COIL: variants seen among roughly 807,000 people sequenced by gnomAD.
The protein encoded by COIL is coilin, also known as coilin p80.
A neutral mutation model predicts 51.6 loss-of-function variants in COIL; 28 were observed. That is an observed-to-expected ratio of 0.54 (90% CI 0.40 to 0.74). The LOEUF (loss-of-function observed/expected upper bound fraction) is 0.74, where lower values mean the gene tolerates loss of function less well. Ranked by LOEUF, COIL falls within the 30% of genes least tolerant of loss-of-function variation. COIL has a pLI of 0.00. For missense variants in COIL, 667 were observed against 685.9 expected, an observed-to-expected ratio of 0.97 and a Z score of 0.31; for synonymous variants, 233 against 255.8, an observed-to-expected ratio of 0.91 and a Z score of 0.85.
At position 56,949,732 on chromosome 17, in the gene COIL, C is replaced by A; in HGVS notation, c.1389G>T (p.Leu463=). 1 of 1,614,196 alleles carries A rather than the reference C, an allele frequency of 6.2e-7. No homozygotes were observed. Among genetic ancestry groups the A allele is most frequent in the Non-Finnish European group, 8.5e-7 (1 of 1,180,012 alleles). ...PVETPKKDYS[L]LPLLAAAPQV... is the part of the protein sequence containing the mutation. Reference sequence around the variant, plus strand: ...GAGGGGCAGCTGCTAACAGTGGTAACAGACTATAGTCCTTCTTGGGTGTCT... The same window carrying A: ...GAGGGGCAGCTGCTAACAGTGGTAAAAGACTATAGTCCTTCTTGGGTGTCT... Residue 463 remains leucine (L), a synonymous_variant, in exon 3 of 7, where the codon CTG becomes CTT. Coordinates refer to ENST00000240316, the MANE Select transcript of COIL (RefSeq NM_004645.3).
chr17:56,960,909 G>T lies in COIL; in HGVS notation c.111C>A (p.Val37=), dbSNP rs1198428963. 1.9e-6 allele frequency: 3 copies of T among 1,614,212 alleles called. No homozygotes were observed. The highest frequency in any genetic ancestry group is 2.2e-5 in the South Asian group (2 of 91,072). The stretch of plus-strand genomic sequence containing the variant: ...GGATGAGACTAATGAGATCTGTGAC[G>T]ACTCGGCATCTGTTCAAGTCGACCA... ...WLLVDLNRCR[V]VTDLISLIRQ... The change falls in exon 1 of 7, where the codon GTC becomes GTA. Residue 37 remains valine (V), a synonymous_variant. Coordinates refer to ENST00000240316, the MANE Select transcript of COIL (RefSeq NM_004645.3).
chr17:56,942,482 T>A (rs1567850688), intron 5 of COIL, among the ~76,000 whole-genome samples: 1 of 152,080 alleles, frequency 6.6e-6, no homozygotes, highest in Non-Finnish European at 1.5e-5. Flanking sequence ...TCCTTAGAAA[T>A]CACATATGCT....
intron 4 of COIL, among the ~76,000 whole-genome samples, chr17:56,948,952 TCTAAA>T: frequency 6.6e-6 from 1 of 151,904 alleles, no homozygotes; most frequent in East Asian, 1.9e-4. Flanking sequence ...AATAAGTTGG[TCTAAA>T]CTAATTAGAA....
chr17:56,943,271 T>C (rs1433931757), intron 5 of COIL, among the ~76,000 whole-genome samples: 1 of 152,248 alleles, frequency 6.6e-6, no homozygotes, highest in Non-Finnish European at 1.5e-5. Flanking sequence ...ATTTGTTTTT[T>C]ACTTTGTAAA....
At chr17:56,953,081 C>T (rs1910403361) in intron 1 of COIL, among the ~76,000 whole-genome samples, 1 of 151,786 alleles carries the variant, frequency 6.6e-6, no homozygotes, top group Admixed American at 6.6e-5. Flanking sequence ...AGTTTAAGAC[C>T]AGCCTGGGCA....
In COIL at chr17:56,960,813, G is replaced by T; in HGVS notation, c.207C>A (p.Ala69=). ...LYLEGGLLPP[A]ESARLVRDND... ...TGTCTCTCACAAGGCGCGCGCTCTC[G>T]GCGGGGGGCAAGAGCCCCCCCTCCA... Residue 69 remains alanine (A), a synonymous_variant, in exon 1 of 7, where the codon GCC becomes GCA. Coordinates refer to ENST00000240316, the MANE Select transcript of COIL (RefSeq NM_004645.3). The T allele has an allele frequency of 6.3e-7, 1 of 1,582,224 alleles. No homozygotes were observed. Among genetic ancestry groups the T allele is most frequent in the Non-Finnish European group, 8.6e-7 (1 of 1,167,166 alleles).
chr17:56,950,166 G>A lies in COIL; in HGVS notation c.1076C>T (p.Ser359Leu). 3 of 1,614,172 alleles carry A rather than the reference G, an allele frequency of 1.9e-6. No individual in the cohort carries two copies. Among genetic ancestry groups the A allele is most frequent in the Non-Finnish European group, 2.5e-6 (3 of 1,180,042 alleles). The change falls in exon 2 of 7, where the codon TCA becomes TTA. Residue 359 changes from serine (S) to leucine (L), a missense_variant. Coordinates refer to ENST00000240316, the MANE Select transcript of COIL (RefSeq NM_004645.3). Reference sequence around the variant, plus strand: ...CCATCCAGCAGCACCTGCAGTCTGTGATGACAGCCCTGGGCCTGGACGACC... The same window carrying A: ...CCATCCAGCAGCACCTGCAGTCTGTAATGACAGCCCTGGGCCTGGACGACC... ...GRGRPGPGLS[S>L]QTAGAAGWRR...
rs201713745 is a variant in COIL, at chr17:56,950,908, G to C, written c.334C>G (p.Arg112Gly). 1 of 1,613,550 alleles carries C rather than the reference G, an allele frequency of 6.2e-7. No homozygotes were observed. The highest frequency in any genetic ancestry group is 2.2e-5 in the East Asian group (1 of 44,876). ...INLSLRKAKK[R>G]AFQLEEGEET... is the part of the protein sequence containing the mutation. ...TCACCCTCCTCTAACTGAAATGCCCGCTTCTTTGCTTTTCTAAGAGATAAA... is the reference window on the plus strand; with the variant it reads ...TCACCCTCCTCTAACTGAAATGCCCCCTTCTTTGCTTTTCTAAGAGATAAA... Residue 112 changes from arginine to glycine, a missense_variant, in exon 2 of 7, where the codon CGG (arginine) becomes GGG (glycine). Transcript: ENST00000240316.
chr17:56,942,245 G>T, intron 5 of COIL, 122 bp from the exon 6 acceptor site: 1 of 786,550 alleles, frequency 1.3e-6, no homozygotes. Context: ...TTAATGTGAA[G>T]GCTGGGTATG....
At chr17:56,940,041 A>T (rs1171469948) in intron 6 of COIL, 1 of 152,096 alleles carries the variant, frequency 6.6e-6, no homozygotes, top group African/African-American at 2.4e-5. Context: ...CCAAGAGAAA[A>T]ACTCTAAGGC....
chr17:56,956,815 G>A (rs1251476704), intron 1 of COIL, among the ~76,000 whole-genome samples: 4 of 151,894 alleles, frequency 2.6e-5, no homozygotes, highest in Admixed American at 6.6e-5. Flanking sequence ...GGCTGGTCTC[G>A]AACTCCTGAG....
chr17:56,940,620 CT>C (rs1271248087), intron 6 of COIL, among the ~76,000 whole-genome samples: 5 of 152,148 alleles, frequency 3.3e-5, no homozygotes, highest in Non-Finnish European at 7.3e-5. Flanking sequence ...TGTCATCTAC[CT>C]TAAAGACAAG....
chr17:56,943,915 G>C (rs1325168712), intron 5 of COIL, among the ~76,000 whole-genome samples: 3 of 152,066 alleles, frequency 2.0e-5, no homozygotes, highest in Non-Finnish European at 2.9e-5. Flanking sequence ...ACTCAGCCTG[G>C]AGTGCAGTGA....
intron 1 of COIL, among the ~76,000 whole-genome samples, chr17:56,956,413 TG>T (rs1365859486): frequency 6.0e-5 from 9 of 149,492 alleles, no homozygotes; most frequent in South Asian, 4.4e-4. Context: ...TAATTTTTTT[TG>T]TTTGTTTTTT....
chr17:56,946,777 T>A (rs904579066), intron 4 of COIL, among the ~76,000 whole-genome samples: 1 of 152,136 alleles, frequency 6.6e-6, no homozygotes, highest in South Asian at 2.1e-4. Context: ...CTATCTTAAA[T>A]AACTCGATGA....
chr17:56,941,521 G>C (rs1910147946), intron 6 of COIL, among the ~76,000 whole-genome samples: 1 of 152,220 alleles, frequency 6.6e-6, no homozygotes, highest in African/African-American at 2.4e-5. Context: ...AGTGAGCCAA[G>C]ATCATGCCAC....
rs1161167094 is a variant in COIL at position 56,949,716 on chromosome 17, C to G, written c.1405G>C (p.Ala469Pro). 2 of 1,614,200 alleles carry G rather than the reference C, an allele frequency of 1.2e-6. No homozygotes were observed. The highest frequency in any genetic ancestry group is 1.7e-6 in the Non-Finnish European group (2 of 1,180,024). Residue 469 changes from alanine (A) to proline (P), a missense_variant, in exon 3 of 7, where the codon GCT becomes CCT. Transcript: ENST00000240316. ...KDYSLLPLLA[A>P]APQVGEKIAF... is the part of the protein sequence containing the mutation. ...ATCTTTTCTCCAACTTGAGGGGCAGCTGCTAACAGTGGTAACAGACTATAG... is the reference window on the plus strand; with the variant it reads ...ATCTTTTCTCCAACTTGAGGGGCAGGTGCTAACAGTGGTAACAGACTATAG...
intron 5 of COIL, among the ~76,000 whole-genome samples, chr17:56,945,946 C>T (rs758483162): frequency 1.3e-5 from 2 of 152,186 alleles, no homozygotes; most frequent in African/African-American, 2.4e-5. Context: ...AAACTCCTGA[C>T]CTCAAGTGAT....
At chr17:56,946,623 G>A in intron 4 of COIL, 112 bp from the exon 5 acceptor site, 1 of 662,352 alleles carries the variant, frequency 1.5e-6, no homozygotes, top group Non-Finnish European at 2.5e-6. Flanking sequence ...TTTATGTTAT[G>A]TGAATTTTAT....
Sources: allele counts gnomAD v4.1 joint callset (sites outside exome capture counted in the v4.1 genomes callset), GRCh38; gene constraint gnomAD v4.1.1; transcripts MANE v1.5; gene names NCBI Gene and HGNC (gene_info 2026-07-23, HGNC 2026-07-21).